The following DAB1 variants were observed in gnomAD, a reference collection of about 807,000 sequenced individuals.
The protein encoded by DAB1 is DAB adaptor protein 1.
In DAB1, 15 loss-of-function variants were observed where a neutral mutation model predicts 64.6. That is an observed-to-expected ratio of 0.23 (90% CI 0.16 to 0.36). DAB1 has a LOEUF of 0.36. Among genes scored for constraint, DAB1 ranks in the 10% least tolerant of loss-of-function variants. DAB1 has a pLI of 1.00. For missense variants in DAB1, 596 were observed against 706.7 expected, an observed-to-expected ratio of 0.84 and a Z score of 1.78; for synonymous variants, 235 against 251.9, an observed-to-expected ratio of 0.93 and a Z score of 0.64.
At chr1:57,431,855 G>C (rs888956347) in intron 7 of DAB1, among the ~76,000 whole-genome samples, 1 of 152,194 alleles carries the variant, frequency 6.6e-6, no homozygotes, top group Admixed American at 6.5e-5. Flanking sequence ...CGGGCACAGT[G>C]GCTCATGCCT....
At chr1:58,040,428 G>A (rs1028778844) in intron 5 of DAB1, among the ~76,000 whole-genome samples, 30 of 152,138 alleles carry the variant, frequency 2.0e-4, no homozygotes, top group Middle Eastern at 3.4e-3. Context: ...CTCATCTGCC[G>A]GCATCCAAGA....
chr1:57,386,687 C>T (rs2100987742), intron 1 of DAB1: 1 of 152,258 alleles, frequency 6.6e-6, no homozygotes, highest in African/African-American at 2.4e-5. Context: ...GGCCCTCTTC[C>T]TCACACAGTA....
At chr1:57,968,663 C>A (rs1645726305) in intron 5 of DAB1, among the ~76,000 whole-genome samples, 1 of 152,118 alleles carries the variant, frequency 6.6e-6, no homozygotes, top group African/African-American at 2.4e-5. Flanking sequence ...ATCTTTCTGA[C>A]CCTTAAGTTT....
chr1:57,997,334 G>C (rs1266581307), intron 5 of DAB1, among the ~76,000 whole-genome samples: 4 of 152,214 alleles, frequency 2.6e-5, no homozygotes, highest in African/African-American at 7.2e-5. Context: ...TGCACATGCA[G>C]AAAGCCCACA....
chr1:57,957,896 T>A (rs1216502797), intron 5 of DAB1, among the ~76,000 whole-genome samples: 2 of 152,086 alleles, frequency 1.3e-5, no homozygotes, highest in East Asian at 3.9e-4. Flanking sequence ...TAATTATAAG[T>A]CTTTGATTGT....
At chr1:57,909,881 T>A (rs1644614487) in intron 5 of DAB1, among the ~76,000 whole-genome samples, 1 of 152,190 alleles carries the variant, frequency 6.6e-6, no homozygotes, top group Admixed American at 6.5e-5. Flanking sequence ...GTCATTTCAG[T>A]GATTCATGTT....
chr1:57,056,939 C>CA (rs2100548594), intron 9 of DAB1, among the ~76,000 whole-genome samples: 1 of 151,918 alleles, frequency 6.6e-6, no homozygotes, highest in South Asian at 2.1e-4. Flanking sequence ...AAGCTGAAGA[C>CA]AGAAAATAAC....
chr1:58,297,095 C>A (rs1662012129), intron 4 of DAB1, among the ~76,000 whole-genome samples: 1 of 152,136 alleles, frequency 6.6e-6, no homozygotes, highest in South Asian at 2.1e-4. Context: ...AACAACCTTG[C>A]AAGGTAAGTA....
chr1:57,301,734 A>G (rs1306581092), intron 1 of DAB1, among the ~76,000 whole-genome samples: 3 of 152,156 alleles, frequency 2.0e-5, no homozygotes, highest in Admixed American at 1.3e-4. Context: ...GTAAGTACCA[A>G]GCCTAGGTGG....
intron 1 of DAB1, among the ~76,000 whole-genome samples, chr1:57,374,439 GA>G (rs879808181): frequency 2.6e-5 from 4 of 152,036 alleles, no homozygotes; most frequent in Non-Finnish European, 5.9e-5. Flanking sequence ...GCTTTTTATG[GA>G]AGTGAATCAT....
At chr1:57,613,077 G>T (rs1476938139) in intron 7 of DAB1, among the ~76,000 whole-genome samples, 1 of 152,140 alleles carries the variant, frequency 6.6e-6, no homozygotes, top group Non-Finnish European at 1.5e-5. Context: ...CAAATTGAAT[G>T]ATCTGGAAAT....
intron 7 of DAB1, among the ~76,000 whole-genome samples, chr1:57,491,247 T>C (rs1367717730): frequency 1.3e-5 from 2 of 152,104 alleles, no homozygotes; most frequent in South Asian, 4.2e-4. Context: ...GCTAACACAC[T>C]GAAACCCTGT....
At chr1:58,132,642 T>A (rs1653694038) in intron 5 of DAB1, among the ~76,000 whole-genome samples, 1 of 152,152 alleles carries the variant, frequency 6.6e-6, no homozygotes, top group African/African-American at 2.4e-5. Flanking sequence ...TCTCACTTCT[T>A]GTTTTCTCCC....
intron 1 of DAB1, among the ~76,000 whole-genome samples, chr1:57,368,954 G>A (rs1680279956): frequency 6.6e-6 from 1 of 152,204 alleles, no homozygotes; most frequent in East Asian, 1.9e-4. Context: ...CTAAGAAAAA[G>A]GTCATAAATC....
At chr1:57,232,940 C>A (rs1239108621) in intron 2 of DAB1, among the ~76,000 whole-genome samples, 1 of 152,210 alleles carries the variant, frequency 6.6e-6, no homozygotes, top group Admixed American at 6.5e-5. Flanking sequence ...GTTCAGCAGG[C>A]AGCTGATCCT....
chr1:58,277,168 T>A (rs1417600751), intron 4 of DAB1, among the ~76,000 whole-genome samples: 2 of 150,932 alleles, frequency 1.3e-5, no homozygotes, highest in Non-Finnish European at 2.9e-5. Flanking sequence ...GCCCCCTGAG[T>A]AGCTGGGATT....
chr1:57,776,219 G>A (rs1166277614), intron 6 of DAB1, among the ~76,000 whole-genome samples: 1 of 151,632 alleles, frequency 6.6e-6, no homozygotes, highest in Non-Finnish European at 1.5e-5. Context: ...CAGAGGAAAT[G>A]CTTATTGGAG....
chr1:57,503,695 G>T (rs550352599), intron 7 of DAB1, among the ~76,000 whole-genome samples: 4 of 152,192 alleles, frequency 2.6e-5, no homozygotes, highest in Non-Finnish European at 5.9e-5. Flanking sequence ...CTACTTCTTG[G>T]TGTATTTACT....
intron 5 of DAB1, among the ~76,000 whole-genome samples, chr1:58,137,661 A>C (rs1654024251): frequency 1.3e-5 from 2 of 152,258 alleles, no homozygotes; most frequent in South Asian, 4.1e-4. Flanking sequence ...ACTCCAGCCA[A>C]GTGTCTACTC....
Sources: gnomAD v4.1 joint callset for allele counts (sites outside exome capture counted in the v4.1 genomes callset) on GRCh38, gnomAD v4.1.1 for gene constraint, MANE v1.5 for transcripts, NCBI Gene and HGNC (gene_info 2026-07-23, HGNC 2026-07-21) for gene names.